EPHA3: variants seen among roughly 807,000 people sequenced by gnomAD.
EPHA3 encodes the protein EPH receptor A3, also known as ephrin type-A receptor 3.
Under a neutral mutation model 107.1 loss-of-function variants are expected in EPHA3, and 42 were observed. The observed-to-expected ratio is 0.39, with a 90% CI of 0.31 to 0.51. The LOEUF is 0.51. Among genes scored for constraint, EPHA3 ranks in the 20% least tolerant of loss-of-function variants. The pLI, the probability that EPHA3 is intolerant of heterozygous loss-of-function variation, is 0.78. For synonymous variants in EPHA3, 461 were observed against 424.8 expected (o/e 1.09, Z -1.05); for missense variants, 1,183 against 1,211.2 (o/e 0.98, Z 0.35).
chr3:89,432,037 T>C (rs919573779), intron 13 of EPHA3, among the ~76,000 whole-genome samples: 2 of 152,156 alleles, frequency 1.3e-5, no homozygotes, highest in African/African-American at 4.8e-5. Context: ...TGCTGTATTC[T>C]ATATTGTTGT....
At chr3:89,226,343 C>T (rs964928563) in intron 3 of EPHA3, among the ~76,000 whole-genome samples, 2 of 152,078 alleles carry the variant, frequency 1.3e-5, no homozygotes, top group African/African-American at 2.4e-5. Flanking sequence ...CAGGTCCTGG[C>T]ACCTAACAAG....
At chr3:89,238,473 C>T (rs1704823255) in intron 3 of EPHA3, among the ~76,000 whole-genome samples, 1 of 152,108 alleles carries the variant, frequency 6.6e-6, no homozygotes, top group South Asian at 2.1e-4. Context: ...GTATTTTATG[C>T]CTCTGCTGTT....
At chr3:89,230,393 A>T (rs1386788787) in intron 3 of EPHA3, among the ~76,000 whole-genome samples, 3 of 152,102 alleles carry the variant, frequency 2.0e-5, no homozygotes, top group Middle Eastern at 3.2e-3. Flanking sequence ...AAGAGTGCAA[A>T]GTTATGTTGG....
chr3:89,324,524 T>C (rs746877067), intron 3 of EPHA3, among the ~76,000 whole-genome samples: 1 of 151,858 alleles, frequency 6.6e-6, no homozygotes, highest in African/African-American at 2.4e-5. Flanking sequence ...TTATTTTTTT[T>C]AACTAGTTTA....
At chr3:89,282,991 T>A (rs1274652437) in intron 3 of EPHA3, among the ~76,000 whole-genome samples, 2 of 152,144 alleles carry the variant, frequency 1.3e-5, no homozygotes, top group East Asian at 3.8e-4. Flanking sequence ...TAAATATCAC[T>A]TTAAAAGTTG....
chr3:89,469,430 A>G (rs1710358411), intron 15 of EPHA3, among the ~76,000 whole-genome samples: 1 of 152,202 alleles, frequency 6.6e-6, no homozygotes, highest in Admixed American at 6.5e-5. Context: ...AAAAATCCAG[A>G]TAGTGAATTC....
intron 2 of EPHA3, among the ~76,000 whole-genome samples, chr3:89,184,162 A>G (rs1705507287): frequency 6.6e-6 from 1 of 152,022 alleles, no homozygotes; most frequent in African/African-American, 2.4e-5. Context: ...TTCCTCCTCA[A>G]CTTATTCTTA....
intron 3 of EPHA3, among the ~76,000 whole-genome samples, chr3:89,310,921 C>T (rs542287762): frequency 4.6e-5 from 7 of 152,076 alleles, no homozygotes; most frequent in African/African-American, 1.7e-4. Context: ...TGATTTGTTG[C>T]ACAGTCTTTG....
chr3:89,195,136 C>A (rs1031907909), intron 2 of EPHA3, among the ~76,000 whole-genome samples: 5 of 151,676 alleles, frequency 3.3e-5, no homozygotes, highest in African/African-American at 1.2e-4. Context: ...TCTGGATATC[C>A]ATTTCAACTT....
chr3:89,318,927 G>A (rs758886112), intron 3 of EPHA3, among the ~76,000 whole-genome samples: 1 of 151,878 alleles, frequency 6.6e-6, no homozygotes, highest in Non-Finnish European at 1.5e-5. Context: ...AAATATTGAT[G>A]TTCTGTAGGC....
intron 11 of EPHA3, among the ~76,000 whole-genome samples, chr3:89,421,553 G>GA (rs1412937108): frequency 4.0e-5 from 6 of 151,016 alleles, no homozygotes; most frequent in Non-Finnish European, 8.9e-5. Flanking sequence ...GTGTAATTAA[G>GA]AAAAAAATGA....
Position 89,423,273 on chromosome 3 carries a change from T to C in EPHA3, c.2074+3883T>C, listed in dbSNP as rs114148175. 9.7e-3 allele frequency among the ~76,000 whole-genome samples: 1,468 copies of C among 151,440 alleles called. 25 individuals are homozygous for C. Among genetic ancestry groups the C allele is most frequent in the African/African-American group, 0.034 (1,407 of 41,384 alleles). On this transcript the variant is annotated intron_variant, in intron 11 of 16. Transcript: ENST00000336596. ...TTAAGATGATTTTCATAATTAAAAC[T>C]TATCTGTAGTGGCATGAGTATCCAC...
At chr3:89,173,833 T>A (rs1337773882) in intron 2 of EPHA3, among the ~76,000 whole-genome samples, 1 of 151,930 alleles carries the variant, frequency 6.6e-6, no homozygotes, top group Non-Finnish European at 1.5e-5. Context: ...ACTGTCACAT[T>A]TCAAGAAAAA....
chr3:89,210,693 C>A (rs1188649564), intron 3 of EPHA3, among the ~76,000 whole-genome samples, 173 bp downstream of exon 3: 1 of 152,094 alleles, frequency 6.6e-6, no homozygotes, highest in Non-Finnish European at 1.5e-5. Flanking sequence ...GTAATTCATG[C>A]TTTGCTGTAG....
intron 10 of EPHA3, among the ~76,000 whole-genome samples, chr3:89,414,357 T>C (rs1488334490): frequency 6.6e-6 from 1 of 151,692 alleles, no homozygotes; most frequent in African/African-American, 2.4e-5. Flanking sequence ...ATGAAACTTG[T>C]GTTCATAGAA....
At chr3:89,390,830 G>A (rs1047264355) in intron 5 of EPHA3, among the ~76,000 whole-genome samples, 1 of 132,382 alleles carries the variant, frequency 7.6e-6, no homozygotes, top group Non-Finnish European at 1.6e-5. Context: ...TGTTTTCCAG[G>A]CTGGAGTGCA....
rs537531783 is a variant in EPHA3 at position 89,256,828 on chromosome 3, GA to G, written c.814+46313del. 2.3e-3 allele frequency among the ~76,000 whole-genome samples: 346 copies of G among 152,220 alleles called. 1 individual carries two copies. Among genetic ancestry groups the G allele is most frequent in the Admixed American group, 3.6e-3 (55 of 15,296 alleles). On this transcript the variant is annotated intron_variant, in intron 3 of 16. Coordinates refer to ENST00000336596, the MANE Select transcript of EPHA3 (RefSeq NM_005233.6). ...GGGTAACATAGTGAAAATACCCAGG[GA>G]AAAATCACTTTATACCATACGGTAA...
Position 89,468,669 on chromosome 3 carries a change from T to A in EPHA3, c.2691-3795T>A, listed in dbSNP as rs193129091. On this transcript the variant is annotated intron_variant, in intron 15 of 16. Transcript: ENST00000336596. ...GTCTTGTCTCATTCTAGGTTTCACA[T>A]GATTTTTCTTCTAAAATCTTCTCAC... is the stretch of plus-strand genomic sequence containing the variant. 2.0e-5 allele frequency among the ~76,000 whole-genome samples: 3 copies of A among 152,338 alleles called. No homozygotes were observed. The East Asian group carries it at 5.8e-4, about 29-fold the overall frequency.
chr3:89,452,232 T>C (rs1014355318), intron 15 of EPHA3, among the ~76,000 whole-genome samples: 2 of 152,164 alleles, frequency 1.3e-5, no homozygotes, highest in South Asian at 2.1e-4. Context: ...CAGAGTGGGA[T>C]TGCTGGATCA....
Sources: allele counts gnomAD v4.1 joint callset (sites outside exome capture counted in the v4.1 genomes callset), GRCh38; gene constraint gnomAD v4.1.1; transcripts MANE v1.5; gene names NCBI Gene and HGNC (gene_info 2026-07-23, HGNC 2026-07-21).